HRH1: variants seen among roughly 807,000 people sequenced by gnomAD.
HRH1 encodes the protein histamine H1 receptor.
A neutral mutation model predicts 10.3 loss-of-function variants in HRH1; 6 were observed. The ratio of observed to expected loss-of-function variants is 0.58; its 90% CI spans 0.32 to 1.15. The LOEUF (loss-of-function observed/expected upper bound fraction) is 1.15, where lower values mean the gene tolerates loss of function less well. Among genes scored for constraint, HRH1 ranks in the 50% most tolerant of loss-of-function variants. The pLI is 0.05. For synonymous variants in HRH1, 242 were observed against 236.7 expected, an observed-to-expected ratio of 1.02 and a Z score of -0.21; for missense variants, 514 against 615.3, an observed-to-expected ratio of 0.84 and a Z score of 1.74.
intron 1 of HRH1, among the ~76,000 whole-genome samples, chr3:11,178,462 G>A (rs1258485403): frequency 6.6e-6 from 1 of 152,206 alleles, no homozygotes; most frequent in African/African-American, 2.4e-5. Context: ...TACAGTTTCT[G>A]CGCAACCCTC....
chr3:11,176,440 C>T (rs1937250836), intron 1 of HRH1, among the ~76,000 whole-genome samples: 1 of 152,110 alleles, frequency 6.6e-6, no homozygotes, highest in African/African-American at 2.4e-5. Flanking sequence ...CACCCCGCCC[C>T]ATTGTGCACT....
At chr3:11,145,561 CCT>C (rs1936421530) in intron 1 of HRH1, among the ~76,000 whole-genome samples, 1 of 151,972 alleles carries the variant, frequency 6.6e-6, no homozygotes, top group African/African-American at 2.4e-5. Context: ...GAAATGTTTG[CCT>C]CTGTGTTTTT....
intron 1 of HRH1, among the ~76,000 whole-genome samples, chr3:11,183,058 C>T (rs1405203576): frequency 6.6e-6 from 1 of 152,336 alleles, no homozygotes; most frequent in East Asian, 1.9e-4. Flanking sequence ...ACTCCTCCCG[C>T]CCCCTGGCCA....
chr3:11,155,610 C>T (rs1439891804), intron 1 of HRH1, among the ~76,000 whole-genome samples: 1 of 152,184 alleles, frequency 6.6e-6, no homozygotes, highest in Non-Finnish European at 1.5e-5. Context: ...AGGGCTCCCG[C>T]CTCAGCCTGG....
intron 1 of HRH1, among the ~76,000 whole-genome samples, chr3:11,159,918 G>A: frequency 6.6e-6 from 1 of 152,226 alleles, no homozygotes; most frequent in East Asian, 1.9e-4. Flanking sequence ...AGTAAACAGA[G>A]ACTGCGAACC....
chr3:11,164,081 A>G (rs13093956), intron 1 of HRH1, among the ~76,000 whole-genome samples: 10,433 of 152,094 alleles, frequency 0.069, 629 homozygotes, highest in African/African-American at 0.16. Flanking sequence ...GAATGAATGA[A>G]TGAGTGAGCA....
At chr3:11,221,628 A>T (rs1359330010) in intron 1 of HRH1, among the ~76,000 whole-genome samples, 1 of 152,072 alleles carries the variant, frequency 6.6e-6, no homozygotes, top group Admixed American at 6.6e-5. Context: ...CGGTTCAGTG[A>T]CACTAACTAC....
At chr3:11,215,131 G>T (rs555933115) in intron 1 of HRH1, among the ~76,000 whole-genome samples, 74 of 152,278 alleles carry the variant, frequency 4.9e-4, no homozygotes, top group African/African-American at 1.6e-3. Flanking sequence ...CAGAAAGATA[G>T]TTCCCCTCCA....
chr3:11,167,135 G>T (rs1326900750), intron 1 of HRH1, among the ~76,000 whole-genome samples: 6 of 143,366 alleles, frequency 4.2e-5, no homozygotes, highest in African/African-American at 1.6e-4. Flanking sequence ...CGTGACATCT[G>T]CTGTCCCCTG....
intron 1 of HRH1, among the ~76,000 whole-genome samples, chr3:11,227,286 CT>C (rs111275947): frequency 0.02 from 2,864 of 142,710 alleles, 78 homozygotes; most frequent in African/African-American, 0.063. Context: ...TGATTAAGAT[CT>C]TTTTTTTTTT....
chr3:11,144,345 ATGTG>A (rs112938608), intron 1 of HRH1, among the ~76,000 whole-genome samples: 296 of 139,922 alleles, frequency 2.1e-3, no homozygotes, highest in African/African-American at 2.0e-3. Flanking sequence ...TGATATGTAT[ATGTG>A]TGTGTGTGTG....
chr3:11,259,617 A>T lies in HRH1; in HGVS notation c.580A>T (p.Thr194Ser). 3 of 1,614,018 alleles carry T rather than the reference A, an allele frequency of 1.9e-6. No homozygotes were observed. Among genetic ancestry groups the T allele is most frequent in the Non-Finnish European group, 2.5e-6 (3 of 1,180,012 alleles). ...TGATGTCACCTGGTTCAAGGTCATG[A>T]CTGCCATCATCAACTTCTACCTGCC... ...FYDVTWFKVM[T>S]AIINFYLPTL... The change falls in exon 2 of 2, where the codon ACT (threonine) becomes TCT (serine). Residue 194 changes from threonine (T) to serine (S), a missense_variant. Physicochemically the swap from Thr to Ser is moderately conservative, Grantham distance 58. Transcript: ENST00000431010. The surrounding 1 kb of genome is among the most constrained non-coding windows in gnomAD (Gnocchi z 4.6).
intron 1 of HRH1, among the ~76,000 whole-genome samples, chr3:11,196,831 C>T (rs1392219466): frequency 1.3e-5 from 2 of 151,644 alleles, no homozygotes; most frequent in East Asian, 1.9e-4. Flanking sequence ...GAATCTCGTC[C>T]GGGCACGGTA....
intron 1 of HRH1, chr3:11,234,728 C>T (rs1939131162): frequency 1.1e-6 from 1 of 872,260 alleles, no homozygotes; most frequent in Non-Finnish European, 2.0e-6. Flanking sequence ...GTGGCAGCAG[C>T]TGTAGCTTCA....
chr3:11,195,815 C>A (rs1328512418), intron 1 of HRH1, among the ~76,000 whole-genome samples: 2 of 152,204 alleles, frequency 1.3e-5, no homozygotes, highest in East Asian at 3.9e-4. Context: ...CACCCCCCAT[C>A]CCATGCTTGT....
At chr3:11,225,159 G>A (rs1290043432) in intron 1 of HRH1, among the ~76,000 whole-genome samples, 1 of 152,230 alleles carries the variant, frequency 6.6e-6, no homozygotes, top group Non-Finnish European at 1.5e-5. Flanking sequence ...TCATTTGTGA[G>A]TTCTAAAAAT....
chr3:11,258,404 A>C (rs1242160154), intron 1 of HRH1, among the ~76,000 whole-genome samples: 1 of 152,196 alleles, frequency 6.6e-6, no homozygotes, highest in East Asian at 1.9e-4. Flanking sequence ...CGATGGTCCC[A>C]AGATGACTCT....
rs150100125 is a variant in HRH1 at position 11,166,594 on chromosome 3, C to T, written c.-36+12040C>T. Among the ~76,000 whole-genome samples the T allele has an allele frequency of 3.5e-3, 527 of 151,568 alleles. 4 individuals are homozygous for T. Among genetic ancestry groups the T allele is most frequent in the Non-Finnish European group, 6.2e-3 (423 of 67,920 alleles). On this transcript the variant is annotated intron_variant, in intron 1 of 1. Coordinates refer to ENST00000431010, the MANE Select transcript of HRH1 (RefSeq NM_001098212.2). The stretch of plus-strand genomic sequence containing the variant: ...AGATTCTCCAGGCCCATGACATCTG[C>T]TGTCCCCTGGCTTCTCCAGGCCCAT...
At position 11,154,837 on chromosome 3, in the gene HRH1, G is replaced by A. The variant is rs1936747009; in HGVS notation, c.-36+283G>A. On this transcript the variant is annotated intron_variant, in intron 1 of 1. Coordinates refer to ENST00000431010, the MANE Select transcript of HRH1 (RefSeq NM_001098212.2). This position sits in a 1 kb window ranked among gnomAD's most constrained non-coding sequence, Gnocchi z 4.4. ...TTCCCCGGGCTTGGGCAGGGTGCGC[G>A]CCCTGAGCGTCCGTCTTTGAGCTCG... 6.6e-6 allele frequency among the ~76,000 whole-genome samples: 1 copy of A among 152,160 alleles called. No individual in the cohort carries two copies. The highest frequency in any genetic ancestry group is 2.4e-5 in the African/African-American group (1 of 41,442).
Sources: gnomAD v4.1 joint callset for allele counts (sites outside exome capture counted in the v4.1 genomes callset) on GRCh38, gnomAD v4.1.1 for gene constraint, Gnocchi (gnomAD v3.1) non-coding constraint, MANE v1.5 for transcripts, NCBI Gene and HGNC (gene_info 2026-07-23, HGNC 2026-07-21) for gene names.